BTBD9: variants seen among roughly 807,000 people sequenced by gnomAD.
BTBD9 encodes the protein BTB/POZ domain-containing protein 9.
Under a neutral mutation model 64.3 loss-of-function variants are expected in BTBD9, and 49 were observed. The observed-to-expected ratio is 0.76, with a 90% confidence interval of 0.61 to 0.97. The LOEUF (loss-of-function observed/expected upper bound fraction) is 0.97, where lower values mean the gene tolerates loss of function less well. BTBD9 is among the 50% of genes least tolerant of loss of function. The pLI, the probability that BTBD9 is intolerant of heterozygous loss-of-function variation, is 0.00. For synonymous variants in BTBD9, 260 were observed against 274.7 expected (o/e 0.95, Z 0.53); for missense variants, 598 against 762.1 (o/e 0.78, Z 2.53).
intron 7 of BTBD9, among the ~76,000 whole-genome samples, chr6:38,295,948 T>G (rs922373029): frequency 6.6e-6 from 1 of 152,110 alleles, no homozygotes; most frequent in Non-Finnish European, 1.5e-5. Flanking sequence ...ATTGGGAGGC[T>G]GAGGCAGGAG....
chr6:38,621,880 T>C (rs1582730926), intron 1 of BTBD9, among the ~76,000 whole-genome samples: 1 of 152,156 alleles, frequency 6.6e-6, no homozygotes, highest in African/African-American at 2.4e-5. Context: ...GAAATACCTA[T>C]GGAAGGACCC....
chr6:38,228,358 A>ACC (rs1763479617), intron 9 of BTBD9, among the ~76,000 whole-genome samples: 1 of 149,456 alleles, frequency 6.7e-6, no homozygotes, highest in Non-Finnish European at 1.5e-5. Context: ...CCCCAAAAAA[A>ACC]AAAAAAAAAA....
chr6:38,505,625 A>G (rs976078791), intron 6 of BTBD9, among the ~76,000 whole-genome samples: 8 of 151,366 alleles, frequency 5.3e-5, no homozygotes, highest in African/African-American at 1.7e-4. Flanking sequence ...CTCTGTCTCA[A>G]GAAAAAAAAA....
intron 9 of BTBD9, among the ~76,000 whole-genome samples, chr6:38,232,231 T>C (rs1311313167): frequency 6.6e-6 from 1 of 151,732 alleles, no homozygotes; most frequent in African/African-American, 2.4e-5. Context: ...CTTGTAAGGG[T>C]AGTTTCAGCC....
chr6:38,399,480 T>C (rs181075873), intron 6 of BTBD9, among the ~76,000 whole-genome samples: 75 of 152,332 alleles, frequency 4.9e-4, no homozygotes, highest in Non-Finnish European at 9.4e-4. Context: ...CAATAAAATG[T>C]CATTAAAATG....
chr6:38,302,509 A>ATC (rs1762449751), intron 7 of BTBD9, among the ~76,000 whole-genome samples: 1 of 138,224 alleles, frequency 7.2e-6, no homozygotes, highest in Non-Finnish European at 1.5e-5. Context: ...ATATATATAT[A>ATC]TATATATATA....
At chr6:38,628,728 GA>G (rs751479634) in intron 1 of BTBD9, among the ~76,000 whole-genome samples, 2 of 151,996 alleles carry the variant, frequency 1.3e-5, no homozygotes, top group Non-Finnish European at 2.9e-5. Flanking sequence ...GAAAGGTATG[GA>G]ATACACACAC....
intron 6 of BTBD9, among the ~76,000 whole-genome samples, chr6:38,506,120 C>T (rs1772498134): frequency 6.6e-6 from 1 of 152,116 alleles, no homozygotes; most frequent in Non-Finnish European, 1.5e-5. Flanking sequence ...TCTCCCTCCT[C>T]CCTGTCTCTT....
chr6:38,515,245 C>T lies in BTBD9; in HGVS notation c.1154+62355G>A, dbSNP rs144195963. 7.4e-3 allele frequency among the ~76,000 whole-genome samples: 1,124 copies of T among 152,278 alleles called. 5 individuals are homozygous for T. Among genetic ancestry groups the T allele is most frequent in the Non-Finnish European group, 0.012 (833 of 68,004 alleles). Reference sequence around the variant, plus strand: ...GATCGATAGCAATTCCTCCCACCTACTCTTAAAGAGCGGATTTAATGAGAA... The same window carrying T: ...GATCGATAGCAATTCCTCCCACCTATTCTTAAAGAGCGGATTTAATGAGAA... On this transcript the variant is annotated intron_variant, in intron 6 of 10. Transcript: ENST00000481247.
intron 6 of BTBD9, among the ~76,000 whole-genome samples, chr6:38,487,940 T>C (rs1771531086): frequency 6.6e-6 from 1 of 152,218 alleles, no homozygotes; most frequent in South Asian, 2.1e-4. Flanking sequence ...TTTGTTGACC[T>C]CTGCTCTAGA....
chr6:38,367,799 C>CAAAAAAAAAAAA lies in BTBD9; in HGVS notation c.1155-22718_1155-22707dup, dbSNP rs575025737. Among the ~76,000 whole-genome samples the CAAAAAAAAAAAA allele has an allele frequency of 1.2e-4, 10 of 84,334 alleles. 1 individual carries two copies. Among genetic ancestry groups the CAAAAAAAAAAAA allele is most frequent in the East Asian group, 1.0e-3 (2 of 1,918 alleles). The allele number at this position is 84,334 out of a possible 152,430, so 55.3% of individuals were successfully genotyped here. A position where few individuals can be genotyped will look rare whatever the true frequency, so the allele number is the denominator to read the frequency against. ...TGCAAGAGTGTTGCACCAGAAATGG[C>CAAAAAAAAAAAA]AAAAAAAAAAAAAAAAAAAAAAAAA... On this transcript the variant is annotated intron_variant, in intron 6 of 10. Coordinates refer to ENST00000481247, the MANE Select transcript of BTBD9 (RefSeq NM_001099272.2).
chr6:38,221,547 A>G (rs1763195980), intron 9 of BTBD9, among the ~76,000 whole-genome samples: 1 of 152,188 alleles, frequency 6.6e-6, no homozygotes, highest in South Asian at 2.1e-4. Flanking sequence ...TCAATGAACC[A>G]TTGCATTGAA....
At chr6:38,581,890 A>T (rs1380091757) in intron 4 of BTBD9, among the ~76,000 whole-genome samples, 1 of 152,238 alleles carries the variant, frequency 6.6e-6, no homozygotes, top group Non-Finnish European at 1.5e-5. Flanking sequence ...TTAAGAAAAC[A>T]TATTAAAAAG....
intron 7 of BTBD9, among the ~76,000 whole-genome samples, chr6:38,322,819 T>C (rs1310908874): frequency 6.6e-6 from 1 of 152,248 alleles, no homozygotes; most frequent in African/African-American, 2.4e-5. Context: ...TTTTAGCTTT[T>C]ATAGCTTGTT....
intron 6 of BTBD9, among the ~76,000 whole-genome samples, chr6:38,470,330 G>A (rs1770594235): frequency 6.6e-6 from 1 of 152,200 alleles, no homozygotes. Flanking sequence ...ACAGGCCTGT[G>A]TATGCACTGG....
chr6:38,254,411 T>C (rs1764504531), intron 9 of BTBD9, among the ~76,000 whole-genome samples: 1 of 151,920 alleles, frequency 6.6e-6, no homozygotes, highest in South Asian at 2.1e-4. Flanking sequence ...TAAGAAATCT[T>C]GGCCCAGCCT....
intron 6 of BTBD9, among the ~76,000 whole-genome samples, chr6:38,522,981 G>A (rs1410614066): frequency 6.6e-6 from 1 of 152,114 alleles, no homozygotes; most frequent in South Asian, 2.1e-4. Context: ...TCAGGAGTTT[G>A]AGACCAACCT....
At chr6:38,494,187 A>G (rs1045078532) in intron 6 of BTBD9, among the ~76,000 whole-genome samples, 1 of 152,250 alleles carries the variant, frequency 6.6e-6, no homozygotes, top group South Asian at 2.1e-4. Context: ...GTTCAGTAGC[A>G]AATCTTTTCA....
intron 10 of BTBD9, among the ~76,000 whole-genome samples, chr6:38,183,083 C>T (rs1478147513): frequency 1.3e-5 from 2 of 151,844 alleles, no homozygotes; most frequent in Non-Finnish European, 2.9e-5. Context: ...GGGTTCATGC[C>T]ATTCTCCTGC....
Sources: gnomAD v4.1 joint callset for allele counts (sites outside exome capture counted in the v4.1 genomes callset) on GRCh38, gnomAD v4.1.1 for gene constraint, MANE v1.5 for transcripts, NCBI Gene and HGNC (gene_info 2026-07-23, HGNC 2026-07-21) for gene names.